Variants in LAMB4 observed in about 807,000 individuals in gnomAD.
LAMB4 encodes the protein laminin subunit beta 4.
LAMB4 carries 196 observed loss-of-function variants against 199.2 expected under a neutral mutation model. The ratio of observed to expected loss-of-function variants is 0.98; its 90% CI spans 0.88 to 1.11. The LOEUF is 1.11. Among genes scored for constraint, LAMB4 ranks in the 50% least tolerant of loss-of-function variants. LAMB4 has a pLI of 0.00. For synonymous variants in LAMB4, 744 were observed against 770.6 expected, an observed-to-expected ratio of 0.97 and a Z score of 0.57; for missense variants, 2,080 against 2,171.2, an observed-to-expected ratio of 0.96 and a Z score of 0.83.
At position 108,107,737 on chromosome 7, in the gene LAMB4, T is replaced by G; in HGVS notation, c.485A>C (p.Asp162Ala). The change falls in exon 6 of 34, where the codon GAC (aspartate) becomes GCC (alanine). Residue 162 changes from aspartate (D) to alanine (A), a missense_variant. Physicochemically the swap from Asp to Ala is moderately radical, Grantham distance 126. Coordinates refer to ENST00000388781, the MANE Select transcript of LAMB4 (RefSeq NM_007356.3). ...NWKVFKYFAK[D>A]CATSFPNITS... is the part of the protein sequence containing the mutation. ...GATGTTAGGAAAGGAAGTGGCACAGTCTTTTGCAAAATATTTGAACACTTT... is the reference window on the plus strand; with the variant it reads ...GATGTTAGGAAAGGAAGTGGCACAGGCTTTTGCAAAATATTTGAACACTTT... The G allele has an allele frequency of 6.2e-7, 1 of 1,613,900 alleles. No homozygotes were observed. The highest frequency in any genetic ancestry group is 8.5e-7 in the Non-Finnish European group (1 of 1,179,920).
intron 11 of LAMB4, among the ~76,000 whole-genome samples, chr7:108,096,295 T>C (rs1404000703): frequency 2.0e-5 from 3 of 152,264 alleles, no homozygotes; most frequent in Non-Finnish European, 4.4e-5. Flanking sequence ...CTTTGCATAA[T>C]GTTCTTAAGG....
intron 15 of LAMB4, among the ~76,000 whole-genome samples, 168 bp downstream of exon 15, chr7:108,079,433 C>T (rs185171502): frequency 4.4e-4 from 67 of 152,294 alleles, no homozygotes; most frequent in African/African-American, 1.5e-3. Flanking sequence ...TGGCTCACTG[C>T]GCTGCTTCAA....
chr7:108,066,886 A>G (rs1369062920), intron 19 of LAMB4, among the ~76,000 whole-genome samples: 1 of 151,902 alleles, frequency 6.6e-6, no homozygotes, highest in African/African-American at 2.4e-5. Flanking sequence ...TCTTAGGTAT[A>G]TTAATATAAC....
chr7:108,035,202 C>T (rs2150494609), intron 30 of LAMB4, among the ~76,000 whole-genome samples: 1 of 152,218 alleles, frequency 6.6e-6, no homozygotes, highest in Admixed American at 6.5e-5. Flanking sequence ...TATTCCCTGC[C>T]ACCATTATCT....
Position 108,057,814 on chromosome 7 carries a change from A to G in LAMB4, c.3379+18T>C. 6.5e-7 allele frequency: 1 copy of G among 1,547,960 alleles called. No individual in the cohort carries two copies. Among genetic ancestry groups the G allele is most frequent in the Non-Finnish European group, 8.9e-7 (1 of 1,119,750 alleles). On this transcript the variant is annotated intron_variant, in intron 24 of 33. Transcript: ENST00000388781. ...AGGCTGACTGTACGCATGAGTTTTT[A>G]GAAATCCCAATACTTACGAATGCAT...
intron 14 of LAMB4, among the ~76,000 whole-genome samples, chr7:108,091,162 C>T (rs57826056): frequency 9.2e-5 from 14 of 151,784 alleles, no homozygotes; most frequent in East Asian, 1.9e-4. Context: ...TCTATACTTT[C>T]GTCATGCATT....
At chr7:108,055,479 G>A (rs747293548) in intron 25 of LAMB4, among the ~76,000 whole-genome samples, 153 bp downstream of exon 25, 6 of 152,124 alleles carry the variant, frequency 3.9e-5, no homozygotes, top group East Asian at 3.9e-4. Flanking sequence ...GAGCTATGGC[G>A]CCCGGCCCAG....
chr7:108,050,864 G>A (rs920204410), intron 26 of LAMB4, among the ~76,000 whole-genome samples: 6 of 152,138 alleles, frequency 3.9e-5, no homozygotes, highest in Non-Finnish European at 5.9e-5. Context: ...GAAGGATTCC[G>A]TTTTTGCTAC....
chr7:108,029,330 C>G lies in LAMB4; in HGVS notation c.4993-134G>C, dbSNP rs2034949676. ...ATCCAGTCAATACACTTGAGTTGCT[C>G]TGATATTTCCGGCAGAGTTTTATTT... On this transcript the variant is annotated intron_variant, in intron 32 of 33. Transcript: ENST00000388781. The G allele has an allele frequency of 1.1e-5, 6 of 557,302 alleles. 1 individual carries two copies. Among genetic ancestry groups the G allele is most frequent in the Middle Eastern group, 9.8e-4 (2 of 2,034 alleles). The allele number at this position is 557,302 out of a possible 1,614,324, so 34.5% of individuals were successfully genotyped here.
downstream of LAMB4, among the ~76,000 whole-genome samples, chr7:108,020,102 G>A (rs1314798858): frequency 1.3e-5 from 2 of 152,092 alleles, no homozygotes; most frequent in Non-Finnish European, 2.9e-5. Flanking sequence ...GGGATGTGCA[G>A]ATTCCATCCC....
chr7:108,120,625 T>G (rs977480602), intron 2 of LAMB4, among the ~76,000 whole-genome samples: 4 of 152,244 alleles, frequency 2.6e-5, no homozygotes, highest in African/African-American at 9.6e-5. Context: ...ATATTTTGTT[T>G]GTTTGCTTGT....
intron 33 of LAMB4, among the ~76,000 whole-genome samples, chr7:108,028,430 A>G (rs1212966456): frequency 6.6e-6 from 1 of 151,472 alleles, no homozygotes; most frequent in Non-Finnish European, 1.5e-5. Flanking sequence ...ATGTCTTCAG[A>G]CATCTCACCC....
At chr7:108,082,254 C>T (rs558962901) in intron 14 of LAMB4, among the ~76,000 whole-genome samples, 7 of 150,990 alleles carry the variant, frequency 4.6e-5, no homozygotes, top group African/African-American at 7.3e-5. Context: ...GGTGTGAACC[C>T]GGAAGGCGGA....
chr7:108,050,951 C>T (rs1274303819), intron 26 of LAMB4, among the ~76,000 whole-genome samples: 1 of 152,058 alleles, frequency 6.6e-6, no homozygotes, highest in Non-Finnish European at 1.5e-5. Flanking sequence ...TGTCCCCTGC[C>T]CCCATTAGAC....
chr7:108,025,351 T>C (rs2034791715), intron 33 of LAMB4, among the ~76,000 whole-genome samples: 1 of 149,116 alleles, frequency 6.7e-6, no homozygotes, highest in Admixed American at 6.6e-5. Context: ...GTGGTGAGTG[T>C]TCTGTCACTA....
At position 108,041,163 on chromosome 7, in the gene LAMB4, C is replaced by G. The variant is rs140627413; in HGVS notation, c.4471+2589G>C. 8.7e-3 allele frequency among the ~76,000 whole-genome samples: 1,331 copies of G among 152,232 alleles called. 14 individuals carry two copies. The highest frequency in any genetic ancestry group is 0.03 in the African/African-American group (1,266 of 41,528). On this transcript the variant is annotated intron_variant, in intron 29 of 33. Coordinates refer to ENST00000388781, the MANE Select transcript of LAMB4 (RefSeq NM_007356.3). ...TGAAAAAAAGCTCAACATCACTGAT[C>G]ATTAGAGAAATGCAAATCAAAACCA... is the stretch of plus-strand genomic sequence containing the variant.
At chr7:108,118,119 A>G (rs2038472737) in intron 2 of LAMB4, among the ~76,000 whole-genome samples, 1 of 151,938 alleles carries the variant, frequency 6.6e-6, no homozygotes. Flanking sequence ...TTATAGAAAT[A>G]GTTTTTTTTC....
At position 108,109,205 on chromosome 7, in the gene LAMB4, A is replaced by G. The variant is rs1376457045; in HGVS notation, c.368T>C (p.Leu123Ser). 5.0e-6 allele frequency: 8 copies of G among 1,613,568 alleles called. No individual in the cohort carries two copies. The highest frequency in any genetic ancestry group is 1.7e-5 in the Admixed American group (1 of 60,010). The stretch of plus-strand genomic sequence containing the variant: ...CAGGATAAGGTGGCTGAACCGAAAT[A>G]ATGCCTCTAAGTCCAGTCTGATGCT... ...HVSIRLDLEALFRFSHLILTF... is the reference protein window; with the variant it reads ...HVSIRLDLEASFRFSHLILTF... Residue 123 changes from leucine (L) to serine (S), a missense_variant, in exon 5 of 34, where the codon TTA becomes TCA. Coordinates refer to ENST00000388781, the MANE Select transcript of LAMB4 (RefSeq NM_007356.3).
chr7:108,091,728 GC>G lies in LAMB4; in HGVS notation c.1598del (p.Gly533AlafsTer16), dbSNP rs769062211. Reference sequence around the variant, plus strand: ...CAGGGGCTGGTTCAGAGCAGCTACGGCCAGTGACATGTGGGCGGCATTCACA... The same window carrying G: ...CAGGGGCTGGTTCAGAGCAGCTACGGCAGTGACATGTGGGCGGCATTCACA... ...GQCECRPHVT[G>X]RSCSEPAPGY... On this transcript the variant is annotated frameshift_variant, in exon 14 of 34. Coordinates refer to ENST00000388781, the MANE Select transcript of LAMB4 (RefSeq NM_007356.3). LOFTEE classifies it high-confidence loss of function. 1 of 1,614,064 alleles carries G rather than the reference GC, an allele frequency of 6.2e-7. No individual in the cohort carries two copies. The highest frequency in any genetic ancestry group is 1.3e-5 in the African/African-American group (1 of 74,936).
Sources: gnomAD v4.1 joint callset for allele counts (sites outside exome capture counted in the v4.1 genomes callset) on GRCh38, gnomAD v4.1.1 for gene constraint, MANE v1.5 for transcripts, NCBI Gene and HGNC (gene_info 2026-07-23, HGNC 2026-07-21) for gene names.